MOB4: variants seen among roughly 807,000 people sequenced by gnomAD.
MOB4 encodes MOB family member 4, phocein, also known as MOB-like protein phocein.
MOB4 carries 4 observed loss-of-function variants against 32.2 expected under a neutral mutation model. That is an observed-to-expected ratio of 0.12 (90% CI 0.06 to 0.28). MOB4 has a LOEUF of 0.28. MOB4 is among the 10% of genes least tolerant of loss of function. MOB4 has a pLI of 1.00. For missense variants in MOB4, 158 were observed against 271.2 expected (o/e 0.58, Z 2.93); for synonymous variants, 88 against 88.1 (o/e 1.00, Z 0.01).
At chr2:197,523,763 G>A in intron 2 of MOB4, 77 bp downstream of exon 2, 1 of 1,384,040 alleles carries the variant, frequency 7.2e-7, no homozygotes. Context: ...GCCTTTGTCT[G>A]TTGGTCACTG....
At chr2:197,529,563 G>A (rs2086665155) in intron 2 of MOB4, among the ~76,000 whole-genome samples, 1 of 151,866 alleles carries the variant, frequency 6.6e-6, no homozygotes, top group Non-Finnish European at 1.5e-5. Context: ...TATTGACCAG[G>A]CTGGTCTTGA....
chr2:197,539,556 G>A (rs1304731595), intron 3 of MOB4, among the ~76,000 whole-genome samples: 1 of 152,094 alleles, frequency 6.6e-6, no homozygotes, highest in Non-Finnish European at 1.5e-5. Flanking sequence ...GACCTCAAGT[G>A]ATTCACCTGC....
intron 2 of MOB4, among the ~76,000 whole-genome samples, chr2:197,533,383 T>G (rs2106119747): frequency 6.6e-6 from 1 of 151,648 alleles, no homozygotes; most frequent in Non-Finnish European, 1.5e-5. Context: ...TAGGATGAGA[T>G]AAAAAAAATC....
intron 5 of MOB4, among the ~76,000 whole-genome samples, chr2:197,541,934 TAAAAAA>T (rs138624012): frequency 1.3e-5 from 2 of 151,584 alleles, no homozygotes; most frequent in Non-Finnish European, 2.9e-5. Flanking sequence ...AAATAAAAAA[TAAAAAA>T]AATAAAAAGA....
intron 1 of MOB4, among the ~76,000 whole-genome samples, chr2:197,522,467 A>G (rs2086538254): frequency 2.0e-5 from 3 of 150,014 alleles, no homozygotes; most frequent in Admixed American, 1.3e-4. Flanking sequence ...AGTAGCTGGG[A>G]TTACAGGCGC....
chr2:197,523,888 T>C (rs570875102), intron 2 of MOB4, among the ~76,000 whole-genome samples: 1 of 152,376 alleles, frequency 6.6e-6, no homozygotes, highest in East Asian at 1.9e-4. Flanking sequence ...AGTATTCTTA[T>C]ATCTTTTCGC....
At chr2:197,516,033 A>G (rs930820129), upstream of MOB4, 54 of 1,529,704 alleles carry the variant, frequency 3.5e-5, no homozygotes, top group South Asian at 1.3e-4. Context: ...CCCCCCGCGC[A>G]GGCTGCCGTC....
At chr2:197,528,593 ATTTTCTTTTTCT>A (rs1291849493) in intron 2 of MOB4, among the ~76,000 whole-genome samples, 24 of 146,966 alleles carry the variant, frequency 1.6e-4, no homozygotes, top group Non-Finnish European at 2.5e-4. Context: ...GATGTTCCCA[ATTTTCTTTTTCT>A]TTTTCTTTTT....
chr2:197,516,080 TG>T lies in MOB4; in HGVS notation c.-5del. The T allele has an allele frequency of 6.3e-7, 1 of 1,591,892 alleles. No individual in the cohort carries two copies. ...GTACCGACTCCAGCCGCCTAGACGC[TG>T]GCACTATGGTCATGGCGGAGGGGAC... is the stretch of plus-strand genomic sequence containing the variant. On this transcript the variant is annotated 5_prime_UTR_variant, in exon 1 of 8. Coordinates refer to ENST00000323303, the MANE Select transcript of MOB4 (RefSeq NM_015387.5).
At position 197,516,151 on chromosome 2, in the gene MOB4, C is replaced by G. The variant is rs934640921; in HGVS notation, c.60+5C>G. 11 of 1,599,182 alleles carry G rather than the reference C, an allele frequency of 6.9e-6. No homozygotes were observed. The Admixed American group carries it at 1.4e-4, about 20-fold the overall frequency. ...AGGCCGGGCACCAAGGCGCAGGTAC[C>G]ATGTCTGCACTTTTCTTGTCGGGCA... On this transcript the variant is annotated splice_donor_5th_base_variant and intron_variant, in intron 1 of 7. Coordinates refer to ENST00000323303, the MANE Select transcript of MOB4 (RefSeq NM_015387.5).
intron 5 of MOB4, among the ~76,000 whole-genome samples, chr2:197,543,641 T>C (rs2086938462): frequency 6.6e-6 from 1 of 152,228 alleles, no homozygotes; most frequent in Admixed American, 6.5e-5. Flanking sequence ...ATTCCACTTA[T>C]CTAGAGTGAA....
In MOB4 at chr2:197,552,238, A is replaced by G. The variant is rs1396238066; in HGVS notation, c.*1592A>G. On this transcript the variant is annotated 3_prime_UTR_variant, in exon 8 of 8. Transcript: ENST00000323303. The stretch of plus-strand genomic sequence containing the variant: ...CCACAACTATCTTTTAAGAAGTCTT[A>G]GTTCACAGTGAAAGGAATGATGACT... 3 of 152,346 alleles carry G rather than the reference A, an allele frequency of 2.0e-5. No individual in the cohort carries two copies. Among genetic ancestry groups the G allele is most frequent in the African/African-American group, 7.2e-5 (3 of 41,462 alleles). The allele number at this position is 152,346 out of a possible 1,614,324, so 9.4% of individuals were successfully genotyped here. A position where few individuals can be genotyped will look rare whatever the true frequency, so the allele number is the denominator to read the frequency against.
At chr2:197,515,933 C>G (rs903187749), upstream of MOB4, 3 of 721,748 alleles carry the variant, frequency 4.2e-6, no homozygotes, top group Non-Finnish European at 6.7e-6. Flanking sequence ...CCGCCTAGCC[C>G]GCTTCTACCC....
At chr2:197,525,375 C>T (rs964888175) in intron 2 of MOB4, among the ~76,000 whole-genome samples, 6 of 151,186 alleles carry the variant, frequency 4.0e-5, no homozygotes, top group African/African-American at 7.3e-5. Flanking sequence ...GACAGCTATT[C>T]GGATTTGTTA....
intron 2 of MOB4, chr2:197,533,722 C>CAAAAA (rs796816631): frequency 3.9e-4 from 56 of 142,380 alleles, no homozygotes; most frequent in Admixed American, 8.2e-4. Flanking sequence ...CAAAACTCCT[C>CAAAAA]AAAAAAAAAA....
chr2:197,531,339 C>T (rs776262140), intron 2 of MOB4, among the ~76,000 whole-genome samples: 83 of 151,946 alleles, frequency 5.5e-4, no homozygotes, highest in African/African-American at 1.7e-3. Context: ...CCACTGCGCC[C>T]GGCCTCATTT....
intron 5 of MOB4, among the ~76,000 whole-genome samples, chr2:197,541,424 G>A (rs1171891078): frequency 6.6e-6 from 1 of 152,168 alleles, no homozygotes; most frequent in Non-Finnish European, 1.5e-5. Flanking sequence ...CCTTGAAGTG[G>A]TCATTATATT....
chr2:197,544,932 C>A (rs1440662934), intron 5 of MOB4, among the ~76,000 whole-genome samples: 1 of 151,934 alleles, frequency 6.6e-6, no homozygotes, highest in Non-Finnish European at 1.5e-5. Flanking sequence ...GAAGTGGAAC[C>A]CCTAAACATT....
At chr2:197,518,910 C>T (rs2086465649) in intron 1 of MOB4, among the ~76,000 whole-genome samples, 1 of 152,126 alleles carries the variant, frequency 6.6e-6, no homozygotes, top group East Asian at 1.9e-4. Context: ...CGCTAACCAC[C>T]ACGTCTGACT....
Sources: allele counts gnomAD v4.1 joint callset (sites outside exome capture counted in the v4.1 genomes callset), GRCh38; gene constraint gnomAD v4.1.1; transcripts MANE v1.5; gene names NCBI Gene and HGNC (gene_info 2026-07-23, HGNC 2026-07-21).